The following CTNNA3 variants were observed in gnomAD, a reference collection of about 807,000 sequenced individuals.
CTNNA3 encodes the protein catenin alpha-3.
CTNNA3 carries 76 observed loss-of-function variants against 95.7 expected under a neutral mutation model. The ratio of observed to expected loss-of-function variants is 0.79; its 90% CI spans 0.66 to 0.96. CTNNA3 has a LOEUF of 0.96. Ranked by LOEUF, CTNNA3 falls within the 40% of genes least tolerant of loss-of-function variation. The pLI is 0.00. For synonymous variants in CTNNA3, 431 were observed against 374.4 expected, an observed-to-expected ratio of 1.15 and a Z score of -1.74; for missense variants, 1,191 against 1,089.8, an observed-to-expected ratio of 1.09 and a Z score of -1.31.
chr10:66,453,865 T>C (rs2093479673), intron 11 of CTNNA3, among the ~76,000 whole-genome samples: 1 of 152,200 alleles, frequency 6.6e-6, no homozygotes, highest in Admixed American at 6.5e-5. Flanking sequence ...GTAGGCAGAA[T>C]AATGGCTCCA....
Position 66,571,288 on chromosome 10 carries a change from G to A in CTNNA3, c.1374+50404C>T, listed in dbSNP as rs145413677. 2.0e-4 allele frequency among the ~76,000 whole-genome samples: 31 copies of A among 152,310 alleles called. No homozygotes were observed. In the East Asian group the frequency reaches 5.6e-3, roughly 27 times the overall value. On this transcript the variant is annotated intron_variant, in intron 10 of 17. Transcript: ENST00000433211. The stretch of plus-strand genomic sequence containing the variant: ...TATCATGCCTGCTAGACCAGAAGAA[G>A]TGAAAGCCTGAATTGGTTATCGCAT...
intron 5 of CTNNA3, among the ~76,000 whole-genome samples, chr10:67,398,071 C>T (rs1454964079): frequency 6.6e-6 from 1 of 152,226 alleles, no homozygotes; most frequent in South Asian, 2.1e-4. Context: ...CACACAGAGT[C>T]TCCACTGGGG....
intron 11 of CTNNA3, among the ~76,000 whole-genome samples, chr10:66,383,446 T>C (rs906295428): frequency 6.6e-6 from 1 of 152,094 alleles, no homozygotes; most frequent in East Asian, 1.9e-4. Context: ...TGGGACTATG[T>C]GAAAAGACCA....
chr10:66,875,885 G>C (rs1206636841), intron 7 of CTNNA3, among the ~76,000 whole-genome samples: 2 of 152,102 alleles, frequency 1.3e-5, no homozygotes, highest in Non-Finnish European at 2.9e-5. Flanking sequence ...CACATTCAGA[G>C]TTTTATGTAC....
rs958063436 is a variant in CTNNA3, at chr10:67,367,175, A to G, written c.580-147305T>C. Among the ~76,000 whole-genome samples, 73 of 152,206 alleles carry G rather than the reference A, an allele frequency of 4.8e-4. 1 individual carries two copies. The highest frequency in any genetic ancestry group is 1.3e-4 in the Admixed American group (2 of 15,282). ...TACAGAGTTGGTGATAATATTCACA[A>G]ACTAGGTATCCAACAATGGTCTAAA... On this transcript the variant is annotated intron_variant, in intron 5 of 17. Transcript: ENST00000433211.
rs1847528155 is a variant in CTNNA3, at chr10:67,464,929, G to C, written c.579+56913C>G. Among the ~76,000 whole-genome samples, 5 of 151,852 alleles carry C rather than the reference G, an allele frequency of 3.3e-5. No homozygotes were observed. In the South Asian group the frequency reaches 1.0e-3, roughly 32 times the overall value. On this transcript the variant is annotated intron_variant, in intron 5 of 17. Coordinates refer to ENST00000433211, the MANE Select transcript of CTNNA3 (RefSeq NM_013266.4). Reference sequence around the variant, plus strand: ...TTCTTCCTTCTTAGAGGCTTCGGGGGAGAAAAGTTTAATGGGGGAGAAATA... The same window carrying C: ...TTCTTCCTTCTTAGAGGCTTCGGGGCAGAAAAGTTTAATGGGGGAGAAATA...
intron 2 of CTNNA3, among the ~76,000 whole-genome samples, chr10:67,612,218 A>G (rs953522278): frequency 6.6e-6 from 1 of 152,226 alleles, no homozygotes; most frequent in African/African-American, 2.4e-5. Context: ...ATTTTGTTCA[A>G]AATAATACCC....
At chr10:67,270,068 T>G (rs1421248307) in intron 5 of CTNNA3, among the ~76,000 whole-genome samples, 1 of 150,686 alleles carries the variant, frequency 6.6e-6, no homozygotes, top group Non-Finnish European at 1.5e-5. Flanking sequence ...TAAATCGCTC[T>G]GAGTACTACA....
chr10:66,532,738 C>T (rs1359575538), intron 10 of CTNNA3, among the ~76,000 whole-genome samples: 4 of 152,026 alleles, frequency 2.6e-5, no homozygotes, highest in East Asian at 1.9e-4. Flanking sequence ...AAGGACAACA[C>T]GTATATGAAA....
chr10:67,387,764 G>C (rs1844253692), intron 5 of CTNNA3, among the ~76,000 whole-genome samples: 1 of 152,204 alleles, frequency 6.6e-6, no homozygotes, highest in Non-Finnish European at 1.5e-5. Flanking sequence ...TGACCTCTGA[G>C]CAGCCTAACT....
At chr10:66,576,947 C>T (rs992315192) in intron 10 of CTNNA3, among the ~76,000 whole-genome samples, 1 of 150,984 alleles carries the variant, frequency 6.6e-6, no homozygotes, top group African/African-American at 2.4e-5. Context: ...ATATTCCTAC[C>T]AGCAGTGTAT....
chr10:67,179,064 G>T (rs1238515371), intron 7 of CTNNA3, among the ~76,000 whole-genome samples: 1 of 151,992 alleles, frequency 6.6e-6, no homozygotes, highest in Admixed American at 6.6e-5. Flanking sequence ...TCTTCAAAAT[G>T]CACCAAATAA....
intron 13 of CTNNA3, among the ~76,000 whole-genome samples, chr10:66,220,702 G>T (rs1212233676): frequency 1.3e-5 from 2 of 152,158 alleles, no homozygotes; most frequent in Non-Finnish European, 2.9e-5. Flanking sequence ...AGCTGGAAAG[G>T]GAGGGGAGTG....
intron 6 of CTNNA3, among the ~76,000 whole-genome samples, chr10:67,206,928 C>T (rs1297306832): frequency 3.3e-5 from 5 of 152,132 alleles, no homozygotes; most frequent in African/African-American, 9.6e-5. Context: ...GTCAGGCGTT[C>T]GAGACCAGCT....
intron 11 of CTNNA3, among the ~76,000 whole-genome samples, chr10:66,452,121 G>A (rs1006992371): frequency 2.0e-5 from 3 of 152,084 alleles, no homozygotes; most frequent in African/African-American, 7.2e-5. Flanking sequence ...TTGCCTGATG[G>A]GTTTGTATGA....
chr10:66,078,475 A>T (rs1439044023), intron 14 of CTNNA3, among the ~76,000 whole-genome samples: 1 of 151,888 alleles, frequency 6.6e-6, no homozygotes, highest in South Asian at 2.1e-4. Flanking sequence ...ATGAATTCTG[A>T]CCAGTCAAGA....
chr10:66,848,327 T>C (rs981199988), intron 7 of CTNNA3, among the ~76,000 whole-genome samples: 2 of 152,200 alleles, frequency 1.3e-5, no homozygotes, highest in African/African-American at 4.8e-5. Flanking sequence ...CATCTTTTAA[T>C]TTGAAACAGG....
intron 1 of CTNNA3, among the ~76,000 whole-genome samples, chr10:67,747,564 A>G (rs1486619091): frequency 6.6e-6 from 1 of 152,214 alleles, no homozygotes; most frequent in Non-Finnish European, 1.5e-5. Flanking sequence ...AGAAAGCAGC[A>G]ACAGCATCAA....
At chr10:67,054,579 G>C (rs1333804288) in intron 7 of CTNNA3, 3 of 152,166 alleles carry the variant, frequency 2.0e-5, no homozygotes, top group Non-Finnish European at 4.4e-5. Flanking sequence ...AAAGGGCAAT[G>C]CTCATATGAT....
Sources: gnomAD v4.1 joint callset for allele counts (sites outside exome capture counted in the v4.1 genomes callset) on GRCh38, gnomAD v4.1.1 for gene constraint, MANE v1.5 for transcripts, NCBI Gene and HGNC (gene_info 2026-07-23, HGNC 2026-07-21) for gene names.